Variants in BBS4 observed in about 807,000 individuals in gnomAD.
BBS4 encodes Bardet-Biedl syndrome 4.
In BBS4, 58 loss-of-function variants were observed where a neutral mutation model predicts 71.4. That is an observed-to-expected ratio of 0.81 (90% CI 0.66 to 1.01). The LOEUF is 1.01. Ranked by LOEUF, BBS4 falls within the 50% of genes least tolerant of loss-of-function variation. The pLI is 0.00. For missense variants in BBS4, 660 were observed against 607.9 expected, an observed-to-expected ratio of 1.09 and a Z score of -0.90; for synonymous variants, 228 against 216.8, an observed-to-expected ratio of 1.05 and a Z score of -0.46.
intron 5 of BBS4, 86 bp downstream of exon 5, chr15:72,715,488 T>C: frequency 1.1e-6 from 1 of 899,780 alleles, no homozygotes; most frequent in South Asian, 1.3e-5. Context: ...TGCTGGCAGC[T>C]GCATCAGCCT....
chr15:72,730,072 C>T (rs1401311906), intron 10 of BBS4, among the ~76,000 whole-genome samples: 2 of 151,028 alleles, frequency 1.3e-5, no homozygotes, highest in South Asian at 2.1e-4. Flanking sequence ...GTCAGGAGAT[C>T]GAGACCATCC....
chr15:72,732,876 GCA>G (rs2065852300), intron 12 of BBS4, among the ~76,000 whole-genome samples: 1 of 152,182 alleles, frequency 6.6e-6, no homozygotes, highest in Non-Finnish European at 1.5e-5. Context: ...GACCGGGAAA[GCA>G]GGTTAACCAG....
At chr15:72,732,362 A>G (rs910335230) in intron 12 of BBS4, among the ~76,000 whole-genome samples, 18 of 152,224 alleles carry the variant, frequency 1.2e-4, no homozygotes, top group Admixed American at 1.2e-3. Flanking sequence ...TGCAAATACT[A>G]AAATTGATCA....
intron 2 of BBS4, among the ~76,000 whole-genome samples, chr15:72,701,192 T>G (rs561148527): frequency 1.3e-5 from 2 of 152,342 alleles, no homozygotes; most frequent in East Asian, 1.9e-4. Context: ...TTGCCTGCTT[T>G]TGAATTTAAT....
At chr15:72,734,791 A>G (rs887007782) in intron 12 of BBS4, among the ~76,000 whole-genome samples, 1 of 152,208 alleles carries the variant, frequency 6.6e-6, no homozygotes, top group African/African-American at 2.4e-5. Context: ...TTTGTAAGGC[A>G]GTGAGATACC....
chr15:72,731,532 T>C (rs2065822976), intron 11 of BBS4, 23 bp from the exon 12 acceptor site: 1 of 1,614,124 alleles, frequency 6.2e-7, no homozygotes, highest in Non-Finnish European at 8.5e-7. Context: ...CCCTTCTCAT[T>C]GAGTGCCCCT....
At chr15:72,695,749 G>T (rs1205569623) in intron 2 of BBS4, among the ~76,000 whole-genome samples, 1 of 152,194 alleles carries the variant, frequency 6.6e-6, no homozygotes, top group Non-Finnish European at 1.5e-5. Flanking sequence ...TTTAAATGGG[G>T]TTTGATTATT....
At chr15:72,724,446 A>T in intron 7 of BBS4, 82 bp from the exon 8 acceptor site, 1 of 1,584,508 alleles carries the variant, frequency 6.3e-7, no homozygotes, top group Non-Finnish European at 8.6e-7. Context: ...TACAGCAGAA[A>T]GTGTCTTTAC....
chr15:72,708,435 C>A (rs745801298), intron 2 of BBS4, among the ~76,000 whole-genome samples: 29 of 152,184 alleles, frequency 1.9e-4, no homozygotes, highest in Non-Finnish European at 4.0e-4. Context: ...TGTCTTTAAT[C>A]TCTTAATCCT....
At chr15:72,728,498 A>AG (rs1393498562) in intron 9 of BBS4, among the ~76,000 whole-genome samples, 3 of 150,882 alleles carry the variant, frequency 2.0e-5, no homozygotes, top group East Asian at 3.9e-4. Flanking sequence ...ATCCTGTCTC[A>AG]GAAAAAAAAA....
rs551152808 is a variant in BBS4 at position 72,689,904 on chromosome 15, G to A, written c.24+3653G>A. ...CGGCTCACTGCAACCTCCGCCTCCC[G>A]GGTTCACGCCATTCTCCAGCCTGAG... On this transcript the variant is annotated intron_variant, in intron 1 of 15. Coordinates refer to ENST00000268057, the MANE Select transcript of BBS4 (RefSeq NM_033028.5). Among the ~76,000 whole-genome samples the A allele has an allele frequency of 2.0e-4, 30 of 151,996 alleles. No homozygotes were observed. In the East Asian group the frequency reaches 5.8e-3, roughly 29 times the overall value.
Position 72,715,323 on chromosome 15 carries a change from G to C in BBS4, c.253G>C (p.Glu85Gln). The change falls in exon 5 of 16, where the codon GAA becomes CAA. Residue 85 changes from glutamate to glutamine, a missense_variant. Coordinates refer to ENST00000268057, the MANE Select transcript of BBS4 (RefSeq NM_033028.5). ...ATTTCGCCTAGAAGGAAATATCCAA[G>C]AATCCCTAGAACTCTTCCAGACATG... ...LIFRLEGNIQ[E>Q]SLELFQTCAV... 6.2e-7 allele frequency: 1 copy of C among 1,613,812 alleles called. No homozygotes were observed. Among genetic ancestry groups the C allele is most frequent in the East Asian group, 2.2e-5 (1 of 44,880 alleles).
intron 8 of BBS4, among the ~76,000 whole-genome samples, chr15:72,725,038 CTA>C (rs67509027): frequency 0.022 from 2,959 of 135,430 alleles, 92 homozygotes; most frequent in African/African-American, 0.072. Flanking sequence ...AAGCATCTGG[CTA>C]TATATATATA....
intron 1 of BBS4, 70 bp from the exon 2 acceptor site, chr15:72,695,107 T>C: frequency 3.7e-6 from 4 of 1,079,006 alleles, no homozygotes; most frequent in South Asian, 1.3e-5. Flanking sequence ...ATTCTTGTTA[T>C]TTGGATGCTT....
rs1447907800 is a variant in BBS4, at chr15:72,735,986, C to A, written c.1248+20C>A. 6.2e-7 allele frequency: 1 copy of A among 1,613,804 alleles called. No individual in the cohort carries two copies. The highest frequency in any genetic ancestry group is 1.1e-5 in the South Asian group (1 of 91,042). On this transcript the variant is annotated intron_variant, in intron 14 of 15. Transcript: ENST00000268057. ...TCTGAGGTATGTCTTTTATTAGCTC[C>A]CAAGAGTCATAAGTAAGCTCTCAGG... is the stretch of plus-strand genomic sequence containing the variant.
intron 8 of BBS4, 148 bp downstream of exon 8, chr15:72,724,803 G>A (rs2065638015): frequency 9.8e-7 from 1 of 1,024,462 alleles, no homozygotes; most frequent in African/African-American, 1.6e-5. Flanking sequence ...GCTCCCAGTA[G>A]CTTCAATAAG....
chr15:72,708,673 C>T (rs538621002), intron 2 of BBS4, among the ~76,000 whole-genome samples: 13 of 152,140 alleles, frequency 8.5e-5, no homozygotes, highest in African/African-American at 1.7e-4. Flanking sequence ...AGCCTATAAA[C>T]GGACATGCAA....
chr15:72,694,350 C>T (rs1444837396), intron 1 of BBS4, among the ~76,000 whole-genome samples: 7 of 151,818 alleles, frequency 4.6e-5, no homozygotes, highest in Admixed American at 3.3e-4. Context: ...GCCACCATGC[C>T]GAGCTAATTT....
intron 12 of BBS4, 78 bp from the exon 13 acceptor site, chr15:72,735,035 T>C: frequency 9.4e-7 from 1 of 1,069,360 alleles, no homozygotes; most frequent in East Asian, 2.4e-5. Context: ...AGGGTGAAGT[T>C]TACTTTGGGG....
Sources: allele counts gnomAD v4.1 joint callset (sites outside exome capture counted in the v4.1 genomes callset), GRCh38; gene constraint gnomAD v4.1.1; transcripts MANE v1.5; gene names NCBI Gene and HGNC (gene_info 2026-07-23, HGNC 2026-07-21).